SGCG: variants seen among roughly 807,000 people sequenced by gnomAD.
SGCG encodes the protein gamma-sarcoglycan.
Under a neutral mutation model 29.3 loss-of-function variants are expected in SGCG, and 26 were observed. That is an observed-to-expected ratio of 0.89 (90% confidence interval 0.65 to 1.23). The LOEUF (loss-of-function observed/expected upper bound fraction) is 1.23. Ranked by LOEUF, SGCG falls within the 50% of genes most tolerant of loss-of-function variation. SGCG has a pLI of 0.00. For missense variants in SGCG, 353 were observed against 356.0 expected (o/e 0.99, Z 0.07); for synonymous variants, 145 against 129.7 (o/e 1.12, Z -0.80).
At position 23,298,714 on chromosome 13, in the gene SGCG, A is replaced by G. The variant is rs534762356; in HGVS notation, c.578+3227A>G. Among the ~76,000 whole-genome samples the G allele has an allele frequency of 9.1e-4, 139 of 152,366 alleles. 1 individual carries two copies. The highest frequency in any genetic ancestry group is 3.2e-3 in the African/African-American group (135 of 41,600). The stretch of plus-strand genomic sequence containing the variant: ...ATTATAAAATAATATAGATTGTAGA[A>G]ATGCCAAAACACTTTTAAAGTAAAT... On this transcript the variant is annotated intron_variant, in intron 6 of 7. Transcript: ENST00000218867.
At chr13:23,228,793 C>T (rs1047044013) in intron 2 of SGCG, among the ~76,000 whole-genome samples, 24 of 152,216 alleles carry the variant, frequency 1.6e-4, no homozygotes, top group Non-Finnish European at 2.8e-4. Flanking sequence ...CTGCAAAGGA[C>T]ATGATCTCAT....
intron 4 of SGCG, among the ~76,000 whole-genome samples, chr13:23,264,020 A>G (rs933279460): frequency 5.9e-5 from 9 of 152,168 alleles, no homozygotes; most frequent in African/African-American, 2.2e-4. Context: ...CTATTACAGA[A>G]CAAGACGAGG....
chr13:23,248,937 G>GCCGAGAT (rs1879843522), intron 3 of SGCG, among the ~76,000 whole-genome samples: 1 of 146,352 alleles, frequency 6.8e-6, no homozygotes, highest in Non-Finnish European at 1.5e-5. Flanking sequence ...CTTGCAGTGA[G>GCCGAGAT]CCGAGATCGT....
chr13:23,307,552 A>G (rs1045635859), intron 6 of SGCG, among the ~76,000 whole-genome samples: 10 of 152,172 alleles, frequency 6.6e-5, no homozygotes, highest in African/African-American at 2.4e-5. Flanking sequence ...ACTTAGAACT[A>G]TGCCCTGTTA....
chr13:23,263,388 T>G (rs1163875468), intron 4 of SGCG, among the ~76,000 whole-genome samples: 1 of 152,020 alleles, frequency 6.6e-6, no homozygotes, highest in Non-Finnish European at 1.5e-5. Flanking sequence ...AGGAAGTGGA[T>G]AAATTCCTGG....
intron 2 of SGCG, among the ~76,000 whole-genome samples, chr13:23,224,218 A>G (rs2137532272): frequency 6.6e-6 from 1 of 152,210 alleles, no homozygotes; most frequent in South Asian, 2.1e-4. Flanking sequence ...TAATTACAAA[A>G]CCCGAAAACC....
intron 6 of SGCG, among the ~76,000 whole-genome samples, chr13:23,301,123 A>C (rs975690889): frequency 6.6e-6 from 1 of 152,202 alleles, no homozygotes; most frequent in African/African-American, 2.4e-5. Context: ...CTCAAAAAAA[A>C]GGAATTGAAC....
chr13:23,243,075 G>C (rs1879568373), intron 3 of SGCG, among the ~76,000 whole-genome samples: 1 of 152,186 alleles, frequency 6.6e-6, no homozygotes, highest in Admixed American at 6.5e-5. Context: ...CATTATAGCA[G>C]TTATGAATAC....
intron 1 of SGCG, among the ~76,000 whole-genome samples, chr13:23,194,020 A>G (rs184424471): frequency 2.6e-5 from 4 of 152,358 alleles, no homozygotes; most frequent in African/African-American, 9.6e-5. Flanking sequence ...CAACCATTTC[A>G]AATAAAATGA....
At chr13:23,319,526 C>A (rs1488237628) in intron 6 of SGCG, among the ~76,000 whole-genome samples, 1 of 152,086 alleles carries the variant, frequency 6.6e-6, no homozygotes, top group Non-Finnish European at 1.5e-5. Context: ...TTAAAAAAAA[C>A]TTGCCAATTC....
At chr13:23,294,228 T>G (rs942705224) in intron 5 of SGCG, among the ~76,000 whole-genome samples, 1 of 152,152 alleles carries the variant, frequency 6.6e-6, no homozygotes, top group Non-Finnish European at 1.5e-5. Flanking sequence ...GGGCCTAAGA[T>G]AGGCATGAGC....
rs151002053 is a variant in SGCG, at chr13:23,300,603, G to A, written c.578+5116G>A. Among the ~76,000 whole-genome samples the A allele has an allele frequency of 4.0e-3, 605 of 152,124 alleles. 3 individuals carry two copies. Among genetic ancestry groups the A allele is most frequent in the African/African-American group, 0.014 (564 of 41,440 alleles). ...CACAAGAAATCATGACCTGCAAGCC[G>A]TTGCCTGGCCGAGGTAGAAGCAAAC... On this transcript the variant is annotated intron_variant, in intron 6 of 7. Coordinates refer to ENST00000218867, the MANE Select transcript of SGCG (RefSeq NM_000231.3).
At chr13:23,294,550 T>G (rs1326830948) in intron 5 of SGCG, among the ~76,000 whole-genome samples, 1 of 152,226 alleles carries the variant, frequency 6.6e-6, no homozygotes, top group Non-Finnish European at 1.5e-5. Flanking sequence ...AAATAGTCCC[T>G]GATGCCTTAA....
At chr13:23,191,842 C>T (rs190954484) in intron 1 of SGCG, among the ~76,000 whole-genome samples, 1 of 152,228 alleles carries the variant, frequency 6.6e-6, no homozygotes, top group African/African-American at 2.4e-5. Flanking sequence ...TACGGATTAA[C>T]ATATATGCTA....
intron 6 of SGCG, among the ~76,000 whole-genome samples, chr13:23,314,430 GATATGTATATAAGATATATATAAAGGT>G (rs1882729955): frequency 1.2e-5 from 1 of 80,412 alleles, no homozygotes; most frequent in Non-Finnish European, 2.4e-5. Flanking sequence ...TCCCTAATAA[GATATGTATATAAGATATATATAAAGGT>G]ATATATATAT....
chr13:23,234,809 G>A (rs545974324), intron 3 of SGCG, 97 bp downstream of exon 3: 147 of 820,048 alleles, frequency 1.8e-4, no homozygotes, highest in African/African-American at 1.7e-3. Context: ...TTTTTAAAGC[G>A]CATACATGTG....
At chr13:23,277,461 C>T (rs1002138905) in intron 4 of SGCG, among the ~76,000 whole-genome samples, 4 of 151,514 alleles carry the variant, frequency 2.6e-5, no homozygotes, top group African/African-American at 9.7e-5. Context: ...AACTTTATAA[C>T]TGGCACTCTT....
At chr13:23,236,366 A>G (rs1879311622) in intron 3 of SGCG, among the ~76,000 whole-genome samples, 1 of 152,168 alleles carries the variant, frequency 6.6e-6, no homozygotes, top group Non-Finnish European at 1.5e-5. Flanking sequence ...AGCAAATTTA[A>G]TATTCTGGAA....
At chr13:23,188,142 A>G (rs1410871721) in intron 1 of SGCG, among the ~76,000 whole-genome samples, 1 of 152,030 alleles carries the variant, frequency 6.6e-6, no homozygotes, top group Non-Finnish European at 1.5e-5. Flanking sequence ...AGGAGGCATC[A>G]TTTTTCCTTT....
Sources: allele counts gnomAD v4.1 joint callset (sites outside exome capture counted in the v4.1 genomes callset), GRCh38; gene constraint gnomAD v4.1.1; transcripts MANE v1.5; gene names NCBI Gene and HGNC (gene_info 2026-07-23, HGNC 2026-07-21).